Variants in STK32B observed in about 807,000 individuals in gnomAD.
STK32B encodes serine/threonine kinase 32B, also known as serine/threonine-protein kinase 32B.
In STK32B, 43 loss-of-function variants were observed where a neutral mutation model predicts 52.6. The observed-to-expected ratio is 0.82, with a 90% confidence interval of 0.64 to 1.05. The LOEUF (loss-of-function observed/expected upper bound fraction) is 1.05. STK32B is among the 50% of genes least tolerant of loss of function. The pLI is 0.00. For missense variants in STK32B, 621 were observed against 534.6 expected (o/e 1.16, Z -1.59); for synonymous variants, 238 against 204.3 (o/e 1.17, Z -1.41).
At chr4:5,198,886 C>CA (rs1292256894) in intron 3 of STK32B, among the ~76,000 whole-genome samples, 1 of 149,988 alleles carries the variant, frequency 6.7e-6, no homozygotes, top group Non-Finnish European at 1.5e-5. Context: ...CTGCTGCGCA[C>CA]AGTGTTTATA....
intron 3 of STK32B, among the ~76,000 whole-genome samples, chr4:5,279,027 CA>C (rs1728023276): frequency 6.6e-6 from 1 of 152,184 alleles, no homozygotes; most frequent in African/African-American, 2.4e-5. Context: ...GGTGGGGACA[CA>C]GAGCCAAACC....
intron 3 of STK32B, among the ~76,000 whole-genome samples, chr4:5,293,907 C>G (rs985329912): frequency 6.6e-6 from 1 of 151,756 alleles, no homozygotes; most frequent in Admixed American, 6.6e-5. Context: ...TCTTCTAGGG[C>G]TTTTATGGTT....
At chr4:5,493,446 G>A (rs1257199893) in intron 11 of STK32B, among the ~76,000 whole-genome samples, 1 of 152,018 alleles carries the variant, frequency 6.6e-6, no homozygotes, top group Non-Finnish European at 1.5e-5. Flanking sequence ...ATTTTTTATT[G>A]CGTGTATTTG....
At chr4:5,126,831 A>T (rs1417344325) in intron 1 of STK32B, among the ~76,000 whole-genome samples, 2 of 152,152 alleles carry the variant, frequency 1.3e-5, no homozygotes, top group Non-Finnish European at 2.9e-5. Flanking sequence ...TCTACTGATA[A>T]CCCAGTTATC....
In STK32B at chr4:5,469,404, G is replaced by A. The variant is rs528890695; in HGVS notation, c.1106+1334G>A. ...TGGTTGGGGAAGTTCTCTAGGTGGC[G>A]TGCTGGGCCAAGTCCTAAGGGACAT... On this transcript the variant is annotated intron_variant, in intron 11 of 11. Coordinates refer to ENST00000282908, the MANE Select transcript of STK32B (RefSeq NM_018401.3). This position sits in a 1 kb window ranked among gnomAD's most constrained non-coding sequence, Gnocchi z 4.7. Among the ~76,000 whole-genome samples the A allele has an allele frequency of 2.0e-5, 3 of 152,346 alleles. No homozygotes were observed. Among genetic ancestry groups the A allele is most frequent in the East Asian group, 1.9e-4 (1 of 5,182 alleles).
intron 4 of STK32B, among the ~76,000 whole-genome samples, chr4:5,381,696 G>T (rs1735945464): frequency 6.6e-6 from 1 of 152,154 alleles, no homozygotes; most frequent in African/African-American, 2.4e-5. Flanking sequence ...TCTGAAAGTG[G>T]CTCTGCCATA....
intron 3 of STK32B, among the ~76,000 whole-genome samples, chr4:5,286,794 C>CTTTTTTT (rs60300816): frequency 4.4e-5 from 5 of 113,252 alleles, no homozygotes; most frequent in African/African-American, 2.0e-4. Context: ...TACAGATGTA[C>CTTTTTTT]TTTTTTTTTT....
chr4:5,158,126 A>G (rs773055249), intron 2 of STK32B, among the ~76,000 whole-genome samples: 2 of 152,154 alleles, frequency 1.3e-5, no homozygotes, highest in Non-Finnish European at 2.9e-5. Context: ...GCCAGAGTAG[A>G]TGATCCATTA....
chr4:5,463,648 AACACAC>A (rs373156761), intron 9 of STK32B, among the ~76,000 whole-genome samples: 2 of 151,458 alleles, frequency 1.3e-5, no homozygotes, highest in Admixed American at 6.6e-5. Context: ...CTCCCATACA[AACACAC>A]ACACACACAA....
At chr4:5,085,525 C>T (rs1379224592) in intron 1 of STK32B, among the ~76,000 whole-genome samples, 2 of 152,152 alleles carry the variant, frequency 1.3e-5, no homozygotes, top group Admixed American at 6.5e-5. Context: ...AGCATGGCTC[C>T]GGATAGTTCT....
chr4:5,286,794 C>CTTT lies in STK32B; in HGVS notation c.261-44407_261-44405dup, dbSNP rs60300816. Among the ~76,000 whole-genome samples the CTTT allele has an allele frequency of 1.9e-3, 214 of 113,232 alleles. 7 individuals carry two copies. The highest frequency in any genetic ancestry group is 6.9e-3 in the African/African-American group (171 of 24,934). The allele number at this position is 113,232 out of a possible 152,430, so 74.3% of individuals were successfully genotyped here. Reference sequence around the variant, plus strand: ...ATGTATTTTGGTAAATACAGATGTACTTTTTTTTTTTTTTTTTTTTTGAGA... The same window carrying CTTT: ...ATGTATTTTGGTAAATACAGATGTACTTTTTTTTTTTTTTTTTTTTTTTTGAGA... On this transcript the variant is annotated intron_variant, in intron 3 of 11. Transcript: ENST00000282908.
chr4:5,209,263 C>T (rs1437531058), intron 3 of STK32B, among the ~76,000 whole-genome samples: 1 of 152,180 alleles, frequency 6.6e-6, no homozygotes, highest in African/African-American at 2.4e-5. Context: ...GCTCTGTCAC[C>T]TGTGCTGGAG....
chr4:5,354,361 G>T (rs1224710003), intron 4 of STK32B, among the ~76,000 whole-genome samples: 1 of 152,084 alleles, frequency 6.6e-6, no homozygotes, highest in South Asian at 2.1e-4. Flanking sequence ...CACCTCCTGG[G>T]TTCAAGGGAT....
intron 3 of STK32B, among the ~76,000 whole-genome samples, chr4:5,327,561 A>AT (rs1009081826): frequency 1.1e-4 from 16 of 151,278 alleles, no homozygotes; most frequent in African/African-American, 2.7e-4. Context: ...TTTGAAAGGA[A>AT]TTTTTTTTTG....
chr4:5,445,673 A>G (rs1715337042), intron 6 of STK32B, among the ~76,000 whole-genome samples: 1 of 152,218 alleles, frequency 6.6e-6, no homozygotes, highest in Non-Finnish European at 1.5e-5. Context: ...AAATTCACAT[A>G]AGATAAAATT....
Position 5,442,932 on chromosome 4 carries a change from C to G in STK32B, c.563-3741C>G, listed in dbSNP as rs1367467035. Reference sequence around the variant, plus strand: ...TTCTTTAAGAATGTTGAATATTGGCCCCCACTCTCTTCTGGCTTGTAGGGT... The same window carrying G: ...TTCTTTAAGAATGTTGAATATTGGCGCCCACTCTCTTCTGGCTTGTAGGGT... On this transcript the variant is annotated intron_variant, in intron 6 of 11. Transcript: ENST00000282908. 7.9e-5 allele frequency among the ~76,000 whole-genome samples: 12 copies of G among 151,952 alleles called. No individual in the cohort carries two copies. The East Asian group carries it at 2.1e-3, about 27-fold the overall frequency.
At chr4:5,344,697 T>G (rs544863775) in intron 4 of STK32B, among the ~76,000 whole-genome samples, 408 of 152,270 alleles carry the variant, frequency 2.7e-3, no homozygotes, top group Non-Finnish European at 4.6e-3. Flanking sequence ...TCAGAATTTT[T>G]TTTTTTTGTC....
At chr4:5,366,594 C>T (rs1734895609) in intron 4 of STK32B, among the ~76,000 whole-genome samples, 1 of 152,218 alleles carries the variant, frequency 6.6e-6, no homozygotes, top group African/African-American at 2.4e-5. Flanking sequence ...CCGAGGAGGG[C>T]AAGAGGCACG....
intron 3 of STK32B, among the ~76,000 whole-genome samples, chr4:5,217,290 G>C (rs1723235446): frequency 6.6e-6 from 1 of 152,188 alleles, no homozygotes; most frequent in South Asian, 2.1e-4. Context: ...AAATACCACT[G>C]ACCTGTAGAA....
Sources: gnomAD v4.1 joint callset for allele counts (sites outside exome capture counted in the v4.1 genomes callset) on GRCh38, gnomAD v4.1.1 for gene constraint, Gnocchi (gnomAD v3.1) non-coding constraint, MANE v1.5 for transcripts, NCBI Gene and HGNC (gene_info 2026-07-23, HGNC 2026-07-21) for gene names.